The following GPM6A variants were observed in gnomAD, a reference collection of about 807,000 sequenced individuals.
GPM6A encodes the protein neuronal membrane glycoprotein M6-a.
GPM6A carries 7 observed loss-of-function variants against 32.1 expected under a neutral mutation model. The observed-to-expected ratio is 0.22, with a 90% CI of 0.12 to 0.41. The LOEUF (loss-of-function observed/expected upper bound fraction) is 0.41. GPM6A is among the 10% of genes least tolerant of loss of function. GPM6A has a pLI of 1.00. For missense variants in GPM6A, 235 were observed against 347.2 expected, an observed-to-expected ratio of 0.68 and a Z score of 2.57; for synonymous variants, 130 against 123.4, an observed-to-expected ratio of 1.05 and a Z score of -0.35.
chr4:175,732,060 G>A (rs1731458427), intron 1 of GPM6A, among the ~76,000 whole-genome samples: 9 of 148,486 alleles, frequency 6.1e-5, no homozygotes, highest in Admixed American at 4.8e-4. Context: ...TCTGCCTCCT[G>A]GGTTCAAGCG....
At chr4:175,981,519 C>A (rs941606789) in intron 1 of GPM6A, among the ~76,000 whole-genome samples, 3 of 152,128 alleles carry the variant, frequency 2.0e-5, no homozygotes, top group Non-Finnish European at 2.9e-5. Flanking sequence ...GCTTCTTTCA[C>A]TGAGCATGCA....
intron 3 of GPM6A, among the ~76,000 whole-genome samples, chr4:175,670,954 C>T (rs35888026): frequency 0.14 from 21,050 of 150,690 alleles, 2,020 homozygotes; most frequent in Non-Finnish European, 0.2. Context: ...ACCTCTGCCT[C>T]CTGGGTTCAA....
chr4:175,729,880 A>G (rs980367277), intron 1 of GPM6A, among the ~76,000 whole-genome samples: 1 of 143,396 alleles, frequency 7.0e-6, no homozygotes, highest in Admixed American at 7.1e-5. Flanking sequence ...TTTAATAATT[A>G]TATTATATAT....
At chr4:175,719,291 T>G (rs1745997882) in intron 1 of GPM6A, among the ~76,000 whole-genome samples, 1 of 151,866 alleles carries the variant, frequency 6.6e-6, no homozygotes, top group South Asian at 2.1e-4. Context: ...CTCTGCCTCC[T>G]GGGTTCAAGT....
rs186617727 is a variant in GPM6A at position 175,758,243 on chromosome 4, A to T, written c.37+53948T>A. 7.6e-3 allele frequency among the ~76,000 whole-genome samples: 1,161 copies of T among 152,312 alleles called. 8 individuals are homozygous for T. Among genetic ancestry groups the T allele is most frequent in the Non-Finnish European group, 0.012 (845 of 68,028 alleles). On this transcript the variant is annotated intron_variant, in intron 1 of 6. Transcript: ENST00000393658. The stretch of plus-strand genomic sequence containing the variant: ...TACAACACAGGGCTGGGACAAAAAA[A>T]TGCTTAGTAAGCAATATATTCTCTT...
chr4:175,854,559 A>G (rs1043552075), intron 1 of GPM6A, among the ~76,000 whole-genome samples: 3 of 152,238 alleles, frequency 2.0e-5, no homozygotes, highest in Non-Finnish European at 2.9e-5. Context: ...AATAAAATAC[A>G]AAGATCTCTG....
chr4:175,981,895 T>A (rs1412660755), intron 1 of GPM6A, among the ~76,000 whole-genome samples: 1 of 152,036 alleles, frequency 6.6e-6, no homozygotes, highest in Non-Finnish European at 1.5e-5. Flanking sequence ...TATTGTCAGG[T>A]TTTTTTGGTT....
chr4:175,994,830 TAG>T (rs1177483272), intron 1 of GPM6A, among the ~76,000 whole-genome samples: 9 of 152,354 alleles, frequency 5.9e-5, no homozygotes, highest in East Asian at 5.8e-4. Flanking sequence ...TTACTCATAG[TAG>T]AACTTTCAAA....
intron 1 of GPM6A, among the ~76,000 whole-genome samples, chr4:175,925,834 T>C (rs1461906832): frequency 2.0e-5 from 3 of 150,210 alleles, no homozygotes; most frequent in African/African-American, 7.4e-5. Flanking sequence ...AGATTCTCTT[T>C]TTTTTCTTTT....
intron 1 of GPM6A, among the ~76,000 whole-genome samples, chr4:175,783,144 T>G (rs1462913739): frequency 6.6e-6 from 1 of 152,010 alleles, no homozygotes; most frequent in Non-Finnish European, 1.5e-5. Context: ...TTTAAAAAAT[T>G]TTTTGCCTTT....
intron 1 of GPM6A, among the ~76,000 whole-genome samples, chr4:175,819,322 C>G (rs1168671407): frequency 6.6e-6 from 1 of 152,118 alleles, no homozygotes; most frequent in Non-Finnish European, 1.5e-5. Context: ...CTCTGTCACT[C>G]AAGTTGCATT....
chr4:176,000,418 T>C (rs1198584962), intron 1 of GPM6A, among the ~76,000 whole-genome samples: 1 of 152,222 alleles, frequency 6.6e-6, no homozygotes, highest in Non-Finnish European at 1.5e-5. Context: ...TAATTAGGGA[T>C]GATTGTTAAT....
intron 1 of GPM6A, among the ~76,000 whole-genome samples, chr4:175,729,342 C>A (rs1731314130): frequency 6.6e-6 from 1 of 152,114 alleles, no homozygotes; most frequent in Non-Finnish European, 1.5e-5. Flanking sequence ...GAATGCCCCT[C>A]TCTCCCCGGT....
chr4:175,898,545 G>A (rs188350261), intron 1 of GPM6A, among the ~76,000 whole-genome samples: 22 of 152,134 alleles, frequency 1.4e-4, no homozygotes, highest in African/African-American at 4.1e-4. Context: ...ACAGGCCCTC[G>A]GGGAATACGT....
intron 1 of GPM6A, among the ~76,000 whole-genome samples, chr4:175,769,697 A>G (rs779015255): frequency 3.3e-5 from 5 of 152,144 alleles, no homozygotes; most frequent in Non-Finnish European, 5.9e-5. Context: ...ATATTCCCAC[A>G]TCTTATTTCT....
At chr4:175,662,660 T>A (rs1443740534) in intron 3 of GPM6A, among the ~76,000 whole-genome samples, 1 of 151,940 alleles carries the variant, frequency 6.6e-6, no homozygotes, top group Non-Finnish European at 1.5e-5. Flanking sequence ...AATATTTAGG[T>A]TATTAGGTAA....
intron 1 of GPM6A, chr4:175,907,293 T>C (rs1334991634): frequency 2.0e-5 from 3 of 152,134 alleles, no homozygotes; most frequent in African/African-American, 7.2e-5. Flanking sequence ...TTAATTGTGC[T>C]CTTTTCCAAT....
intron 1 of GPM6A, among the ~76,000 whole-genome samples, chr4:175,713,682 A>G (rs1745676552): frequency 6.6e-6 from 1 of 152,210 alleles, no homozygotes; most frequent in Admixed American, 6.5e-5. Flanking sequence ...TTTATCTTAA[A>G]CATTGTAGTC....
rs114244187 is a variant in GPM6A at position 175,852,599 on chromosome 4, A to G, written c.-22-40350T>C. ...GAGGCTCTTAGAGCTTATATTAGTAATAAGTATTTACACTCCCAAATTTGA... is the reference window on the plus strand; with the variant it reads ...GAGGCTCTTAGAGCTTATATTAGTAGTAAGTATTTACACTCCCAAATTTGA... On this transcript the variant is annotated intron_variant, in intron 1 of 7. Transcript: ENST00000280187. Among the ~76,000 whole-genome samples the G allele has an allele frequency of 1.8e-3, 275 of 152,306 alleles. 2 individuals carry two copies. Among genetic ancestry groups the G allele is most frequent in the Non-Finnish European group, 3.2e-3 (218 of 68,018 alleles).
Sources: allele counts gnomAD v4.1 joint callset (sites outside exome capture counted in the v4.1 genomes callset), GRCh38; gene constraint gnomAD v4.1.1; transcripts MANE v1.5; gene names NCBI Gene and HGNC (gene_info 2026-07-23, HGNC 2026-07-21).